The following PAK3 variants were observed in gnomAD, a reference collection of about 807,000 sequenced individuals.
PAK3 encodes the protein p21 (RAC1) activated kinase 3.
Under a neutral mutation model 41.0 loss-of-function variants are expected in PAK3, and 4 were observed. That is an observed-to-expected ratio of 0.10 (90% confidence interval 0.05 to 0.22). The LOEUF (loss-of-function observed/expected upper bound fraction) is 0.22, where lower values mean the gene tolerates loss of function less well. PAK3 is among the 10% of genes least tolerant of loss of function. PAK3 has a pLI of 1.00. For synonymous variants in PAK3, 146 were observed against 139.6 expected (o/e 1.05, Z -0.32); for missense variants, 205 against 409.9 (o/e 0.50, Z 4.32).
intron 16 of PAK3, among the ~76,000 whole-genome samples, chrX:111,202,443 A>G (rs2094694478): frequency 9.0e-6 from 1 of 111,261 alleles, no homozygotes; most frequent in Admixed American, 9.6e-5. Flanking sequence ...TTGTTCTGTG[A>G]CCTATAGACA....
chrX:110,969,235 C>T (rs2091150492), intron 1 of PAK3, among the ~76,000 whole-genome samples: 1 of 100,134 alleles, frequency 1.0e-5, no homozygotes, highest in Non-Finnish European at 2.0e-5. Flanking sequence ...CATTATTTTG[C>T]CTAGGGATGT....
chrX:110,976,416 CT>C (rs1267101682), intron 1 of PAK3, among the ~76,000 whole-genome samples: 1 of 112,271 alleles, frequency 8.9e-6, no homozygotes, highest in Admixed American at 9.4e-5. Context: ...GAGATACCAT[CT>C]CATGAGAGTT....
chrX:111,026,285 G>A (rs150094344), intron 1 of PAK3, among the ~76,000 whole-genome samples: 138 of 111,457 alleles, frequency 1.2e-3, no homozygotes, highest in African/African-American at 4.2e-3. Flanking sequence ...ATTCAACATA[G>A]TACTGGAAGT....
At chrX:110,971,588 C>A (rs904997289) in intron 1 of PAK3, among the ~76,000 whole-genome samples, 1 of 111,872 alleles carries the variant, frequency 8.9e-6, no homozygotes, top group Non-Finnish European at 1.9e-5. Context: ...TCCCTTATCT[C>A]ATATATGATT....
chrX:111,182,828 G>T (rs1000222722), intron 11 of PAK3, among the ~76,000 whole-genome samples: 2 of 111,406 alleles, frequency 1.8e-5, no homozygotes, highest in Admixed American at 1.9e-4. Context: ...ACTAACAGCA[G>T]TTCATTTTCA....
intron 7 of PAK3, among the ~76,000 whole-genome samples, chrX:111,151,705 G>A (rs2094029363): frequency 8.9e-6 from 1 of 111,958 alleles, no homozygotes; most frequent in Admixed American, 9.5e-5. Context: ...ATTAGGCACA[G>A]TAAGAGATAA....
At chrX:111,121,787 A>G (rs2093574755) in intron 4 of PAK3, among the ~76,000 whole-genome samples, 1 of 111,900 alleles carries the variant, frequency 8.9e-6, no homozygotes, top group African/African-American at 3.2e-5. Context: ...GGAAGGTACT[A>G]TTAGTACCTG....
At chrX:110,992,043 G>A (rs1473648975) in intron 1 of PAK3, among the ~76,000 whole-genome samples, 1 of 111,524 alleles carries the variant, frequency 9.0e-6, no homozygotes, top group Non-Finnish European at 1.9e-5. Context: ...TTGTAAAATG[G>A]TCAGGAGTGG....
At chrX:111,033,078 A>C (rs887098237) in intron 1 of PAK3, among the ~76,000 whole-genome samples, 2 of 111,459 alleles carry the variant, frequency 1.8e-5, no homozygotes, top group African/African-American at 6.5e-5. Context: ...AAATCTATAG[A>C]GTGAAAGAGA....
intron 1 of PAK3, among the ~76,000 whole-genome samples, chrX:110,986,756 CGTGT>C (rs758904251): frequency 3.3e-4 from 34 of 104,395 alleles, no homozygotes; most frequent in East Asian, 8.9e-4. Flanking sequence ...CAAGTGTACG[CGTGT>C]GTGTGTGTGT....
intron 5 of PAK3, among the ~76,000 whole-genome samples, chrX:111,134,591 C>G (rs953979716): frequency 1.8e-5 from 2 of 111,812 alleles, no homozygotes; most frequent in African/African-American, 6.5e-5. Flanking sequence ...AACTGAAGCT[C>G]TAGTCAGGGA....
rs142398098 is a variant in PAK3, at chrX:110,972,033, C to T, written c.-28+27405C>T. On this transcript the variant is annotated intron_variant, in intron 1 of 14. Transcript: ENST00000425146. ...CTCTCAATTCTATTCCATTGTTCTACGTATGTATGTAGGTATGTATGTGTA... is the reference window on the plus strand; with the variant it reads ...CTCTCAATTCTATTCCATTGTTCTATGTATGTATGTAGGTATGTATGTGTA... Among the ~76,000 whole-genome samples the T allele has an allele frequency of 6.0e-4, 67 of 110,857 alleles. 2 individuals carry two copies. In the East Asian group the frequency reaches 7.7e-3, roughly 13 times the overall value.
At chrX:111,120,949 C>G (rs1437256968) in intron 4 of PAK3, among the ~76,000 whole-genome samples, 1 of 111,778 alleles carries the variant, frequency 8.9e-6, no homozygotes, top group African/African-American at 3.3e-5. Context: ...CAGAATAATG[C>G]CACTGGTGAA....
At chrX:111,172,591 C>A (rs1302637639) in intron 10 of PAK3, among the ~76,000 whole-genome samples, 5 of 111,373 alleles carry the variant, frequency 4.5e-5, no homozygotes, top group African/African-American at 1.6e-4. Context: ...TAAGCGACAA[C>A]ATGCAGTATT....
chrX:111,043,136 T>C (rs1034746557), intron 1 of PAK3, among the ~76,000 whole-genome samples: 1 of 109,021 alleles, frequency 9.2e-6, no homozygotes, highest in African/African-American at 3.4e-5. Flanking sequence ...CAAAAAAAAA[T>C]GTAAAAGATT....
intron 11 of PAK3, among the ~76,000 whole-genome samples, chrX:111,177,097 G>T (rs917165656): frequency 9.2e-6 from 1 of 109,131 alleles, no homozygotes; most frequent in Non-Finnish European, 1.9e-5. Context: ...TCAATATGTA[G>T]AGTTTTTTAA....
At chrX:111,132,361 T>C (rs1202306516) in intron 5 of PAK3, among the ~76,000 whole-genome samples, 7 of 111,498 alleles carry the variant, frequency 6.3e-5, no homozygotes, top group Non-Finnish European at 1.3e-4. Flanking sequence ...ATCTCCACTG[T>C]TTCTGCCAGA....
chrX:111,101,570 G>A (rs1455586466), intron 3 of PAK3, among the ~76,000 whole-genome samples: 1 of 111,914 alleles, frequency 8.9e-6, no homozygotes, highest in Non-Finnish European at 1.9e-5. Context: ...CCACCCCAGT[G>A]GGTGGATGCT....
At chrX:111,126,406 T>C (rs2093649299) in intron 5 of PAK3, among the ~76,000 whole-genome samples, 2 of 111,300 alleles carry the variant, frequency 1.8e-5, no homozygotes, top group African/African-American at 6.5e-5. Flanking sequence ...TGGGGGTTGT[T>C]CAGGAACTGA....
Sources: allele counts gnomAD v4.1 joint callset (sites outside exome capture counted in the v4.1 genomes callset), GRCh38; gene constraint gnomAD v4.1.1; transcripts MANE v1.5; gene names NCBI Gene and HGNC (gene_info 2026-07-23, HGNC 2026-07-21).